The following ABLIM1 variants were observed in gnomAD, a reference collection of about 807,000 sequenced individuals.
ABLIM1 encodes the protein actin binding LIM protein 1.
In ABLIM1, 40 loss-of-function variants were observed where a neutral mutation model predicts 107.0. The observed-to-expected ratio is 0.37, with a 90% CI of 0.29 to 0.49. ABLIM1 has a LOEUF of 0.49. Ranked by LOEUF, ABLIM1 falls within the 20% of genes least tolerant of loss-of-function variation. The pLI, the probability that ABLIM1 is intolerant of heterozygous loss-of-function variation, is 0.97. For synonymous variants in ABLIM1, 357 were observed against 357.3 expected (o/e 1.00, Z 0.01); for missense variants, 857 against 1,008.5 (o/e 0.85, Z 2.04).
chr10:114,632,878 A>C, intron 1 of ABLIM1: 1 of 701,642 alleles, frequency 1.4e-6, no homozygotes, highest in Non-Finnish European at 1.8e-6. Context: ...GCCTGACCCC[A>C]CAGCAGCAAC....
At chr10:114,447,580 C>T (rs1481948066) in intron 15 of ABLIM1, among the ~76,000 whole-genome samples, 1 of 152,244 alleles carries the variant, frequency 6.6e-6, no homozygotes, top group East Asian at 1.9e-4. Context: ...CTATGTTCAA[C>T]AGAGTTACTG....
chr10:114,539,040 A>G (rs1426722083), intron 6 of ABLIM1, among the ~76,000 whole-genome samples: 1 of 152,260 alleles, frequency 6.6e-6, no homozygotes, highest in African/African-American at 2.4e-5. Flanking sequence ...CTTGTCAAGA[A>G]TAGATTCAAC....
rs146350297 is a variant in ABLIM1, at chr10:114,483,074, C to T, written c.1041+4884G>A. On this transcript the variant is annotated intron_variant, in intron 8 of 22. Transcript: ENST00000533213. Reference sequence around the variant, plus strand: ...CTGGATTCATGTGACTTTGACTTCACCGTGTGTGGAAACTCTGCCACTGGA... The same window carrying T: ...CTGGATTCATGTGACTTTGACTTCATCGTGTGTGGAAACTCTGCCACTGGA... Among the ~76,000 whole-genome samples the T allele has an allele frequency of 1.4e-4, 22 of 152,308 alleles. No homozygotes were observed. In the East Asian group the frequency reaches 4.2e-3, roughly 29 times the overall value.
rs138365437 is a variant in ABLIM1, at chr10:114,464,034, G to A, written c.1441+1664C>T. On this transcript the variant is annotated intron_variant, in intron 12 of 22. Coordinates refer to ENST00000533213, the MANE Select transcript of ABLIM1 (RefSeq NM_002313.7). The stretch of plus-strand genomic sequence containing the variant: ...TTCTCAGTAAGGACATGAGCTTTTG[G>A]GGGAAGGAGTGTTGACTGACCACTC... Among the ~76,000 whole-genome samples, 395 of 152,244 alleles carry A rather than the reference G, an allele frequency of 2.6e-3. 1 individual carries two copies. The highest frequency in any genetic ancestry group is 4.5e-3 in the Admixed American group (69 of 15,306).
Position 114,563,562 on chromosome 10 carries a change from T to C in ABLIM1, c.673+7735A>G, listed in dbSNP as rs181797742. ...TATAATAAAGAATTTAGACCAGGAC[T>C]GGTGGCTAATGCCTGTAATCCCAGC... On this transcript the variant is annotated intron_variant, in intron 4 of 22. Transcript: ENST00000533213. 5.9e-4 allele frequency among the ~76,000 whole-genome samples: 90 copies of C among 152,128 alleles called. No individual in the cohort carries two copies. The East Asian group carries it at 0.015, about 26-fold the overall frequency.
chr10:114,532,767 A>G (rs1474361435), intron 6 of ABLIM1, among the ~76,000 whole-genome samples: 4 of 152,214 alleles, frequency 2.6e-5, no homozygotes, highest in African/African-American at 9.6e-5. Flanking sequence ...TTGAGATGCC[A>G]TCTTTGGTGT....
chr10:114,533,582 A>G (rs942523497), intron 6 of ABLIM1, among the ~76,000 whole-genome samples: 1 of 152,216 alleles, frequency 6.6e-6, no homozygotes, highest in East Asian at 1.9e-4. Context: ...ATCACCAAAA[A>G]TCTCTCTTGA....
chr10:114,600,043 G>C (rs947567056), intron 2 of ABLIM1, among the ~76,000 whole-genome samples: 22 of 151,982 alleles, frequency 1.4e-4, no homozygotes, highest in African/African-American at 5.1e-4. Flanking sequence ...ACAATTATCT[G>C]GTATATGGAA....
Position 114,707,655 on chromosome 10 carries a change from T to C in ABLIM1, c.-213+60406A>G, listed in dbSNP as rs2141912587. 6.6e-6 allele frequency among the ~76,000 whole-genome samples: 1 copy of C among 152,194 alleles called. No individual in the cohort carries two copies. The highest frequency in any genetic ancestry group is 1.9e-4 in the East Asian group (1 of 5,158). On this transcript the variant is annotated intron_variant, in intron 1 of 15. Coordinates refer to the ABLIM1 transcript ENST00000651092. This position sits in a 1 kb window ranked among gnomAD's most constrained non-coding sequence, Gnocchi z 4.1. Reference sequence around the variant, plus strand: ...TGGCTCACACTTATAATCCCAACACTTTGGGAGGCCGTGGTGGGCGGATCA... The same window carrying C: ...TGGCTCACACTTATAATCCCAACACCTTGGGAGGCCGTGGTGGGCGGATCA...
At chr10:114,498,377 C>T (rs779742376) in intron 6 of ABLIM1, among the ~76,000 whole-genome samples, 18 of 152,130 alleles carry the variant, frequency 1.2e-4, no homozygotes, top group African/African-American at 3.1e-4. Context: ...ATGATTCCTC[C>T]GTGTCTGTTA....
chr10:114,580,859 A>G (rs963807427), intron 2 of ABLIM1, among the ~76,000 whole-genome samples: 10 of 152,236 alleles, frequency 6.6e-5, no homozygotes, highest in Non-Finnish European at 1.5e-4. Flanking sequence ...TGGGTGCTCC[A>G]TTAGTCGTTA....
chr10:114,465,810 C>T lies in ABLIM1; in HGVS notation c.1329G>A (p.Arg443=). The T allele has an allele frequency of 3.1e-6, 5 of 1,614,088 alleles. No homozygotes were observed. The highest frequency in any genetic ancestry group is 4.2e-6 in the Non-Finnish European group (5 of 1,180,022). ...TCGTGGACCGATGGATCATCCGATC[C>T]CGAACATCCTGGTACCCCTGGAAAC... ...TPSAEGYQDV[R]DRMIHRSTSQ... is the part of the protein sequence containing the mutation. Residue 443 remains arginine, a synonymous_variant, in exon 12 of 23, where the codon CGG becomes CGA. Coordinates refer to ENST00000533213, the MANE Select transcript of ABLIM1 (RefSeq NM_002313.7).
chr10:114,445,520 CT>C, intron 15 of ABLIM1, 117 bp from the exon 16 acceptor site: 2 of 825,468 alleles, frequency 2.4e-6, no homozygotes, highest in Non-Finnish European at 4.1e-6. Flanking sequence ...GTCTTTAACA[CT>C]TTTAAGTAAA....
chr10:114,555,616 A>G (rs1409559799), intron 4 of ABLIM1, among the ~76,000 whole-genome samples: 1 of 152,224 alleles, frequency 6.6e-6, no homozygotes, highest in Non-Finnish European at 1.5e-5. Flanking sequence ...AATGTAAATC[A>G]TTACATTAAA....
intron 6 of ABLIM1, among the ~76,000 whole-genome samples, chr10:114,539,559 A>C (rs1591026660): frequency 6.6e-6 from 1 of 152,142 alleles, no homozygotes; most frequent in East Asian, 1.9e-4. Context: ...GAGATATGAG[A>C]CTAACCCCCT....
rs182753043 is a variant in ABLIM1, at chr10:114,744,759, A to G, written c.-213+23302T>C. On this transcript the variant is annotated intron_variant, in intron 1 of 15. Coordinates refer to the ABLIM1 transcript ENST00000651092. ...ATGAAGCAACACCAGGCTCTGGGCC[A>G]TTTTTGGGTAGCATCATTCTTTTAG... is the stretch of plus-strand genomic sequence containing the variant. 7.9e-5 allele frequency among the ~76,000 whole-genome samples: 12 copies of G among 152,292 alleles called. No homozygotes were observed. The East Asian group carries it at 2.3e-3, about 29-fold the overall frequency.
chr10:114,470,657 G>C (rs1220006207), intron 10 of ABLIM1, among the ~76,000 whole-genome samples: 1 of 152,106 alleles, frequency 6.6e-6, no homozygotes, highest in Non-Finnish European at 1.5e-5. Context: ...CTGATTACGA[G>C]AGTAGCCAGC....
At chr10:114,788,031 C>A in the ABLIM1 span, among the ~76,000 whole-genome samples, 8 of 146,594 alleles carry the variant, frequency 5.5e-5, no homozygotes, top group African/African-American at 2.0e-4. Flanking sequence ...TGACCTTACC[C>A]CCAACCCTGT....
chr10:114,513,392 T>C (rs1486951745), intron 6 of ABLIM1, among the ~76,000 whole-genome samples: 1 of 152,158 alleles, frequency 6.6e-6, no homozygotes, highest in African/African-American at 2.4e-5. Context: ...TAACAGCCAG[T>C]ATTCTACCAC....
Sources: gnomAD v4.1 joint callset for allele counts (sites outside exome capture counted in the v4.1 genomes callset) on GRCh38, gnomAD v4.1.1 for gene constraint, Gnocchi (gnomAD v3.1) non-coding constraint, MANE v1.5 for transcripts, NCBI Gene and HGNC (gene_info 2026-07-23, HGNC 2026-07-21) for gene names.